MAU2: variants seen among roughly 807,000 people sequenced by gnomAD.
MAU2 encodes MAU2 sister chromatid cohesion factor, also known as MAU2 chromatid cohesion factor homolog.
Under a neutral mutation model 89.1 loss-of-function variants are expected in MAU2, and 9 were observed. The observed-to-expected ratio is 0.10, with a 90% CI of 0.06 to 0.18. The LOEUF is 0.18. Ranked by LOEUF, MAU2 falls within the 10% of genes least tolerant of loss-of-function variation. The pLI is 1.00. For missense variants in MAU2, 425 were observed against 803.5 expected (o/e 0.53, Z 5.69); for synonymous variants, 357 against 343.4 (o/e 1.04, Z -0.44).
At chr19:19,332,217 A>G (rs2061560748) in intron 1 of MAU2, among the ~76,000 whole-genome samples, 1 of 151,974 alleles carries the variant, frequency 6.6e-6, no homozygotes, top group Admixed American at 6.6e-5. Flanking sequence ...CTGGAGTGCA[A>G]CAGCACAATC....
intron 1 of MAU2, among the ~76,000 whole-genome samples, chr19:19,324,774 T>G (rs2061490836): frequency 6.6e-6 from 1 of 152,238 alleles, no homozygotes; most frequent in Non-Finnish European, 1.5e-5. Flanking sequence ...GAAATCCCGT[T>G]CTTTTTGTCA....
chr19:19,350,792 T>C (rs1320574433), intron 16 of MAU2, among the ~76,000 whole-genome samples: 1 of 150,464 alleles, frequency 6.6e-6, no homozygotes, highest in African/African-American at 2.5e-5. Context: ...CCCAGCTATT[T>C]GGGAGGCTGA....
intron 16 of MAU2, chr19:19,353,728 C>T (rs1385167014): frequency 1.9e-5 from 3 of 158,330 alleles, no homozygotes; most frequent in Non-Finnish European, 2.8e-5. Context: ...AGGCTCCTGT[C>T]TGCCGTCTCC....
chr19:19,343,144 T>C (rs900578624), intron 9 of MAU2, among the ~76,000 whole-genome samples: 1 of 152,180 alleles, frequency 6.6e-6, no homozygotes, highest in African/African-American at 2.4e-5. Flanking sequence ...CCAATTATTA[T>C]CAGTGTTGTG....
intron 16 of MAU2, 29 bp downstream of exon 16, chr19:19,349,465 T>A (rs370241132): frequency 6.3e-7 from 1 of 1,590,612 alleles, no homozygotes; most frequent in Non-Finnish European, 8.6e-7. Flanking sequence ...GCCCCTCGCT[T>A]GGGTGCCTGT....
intron 1 of MAU2, 147 bp from the exon 2 acceptor site, chr19:19,335,571 C>G (rs910936261): frequency 6.7e-6 from 5 of 743,832 alleles, no homozygotes; most frequent in African/African-American, 5.2e-5. Context: ...TAAGCCTACC[C>G]TCTCAGGCCA....
intron 1 of MAU2, among the ~76,000 whole-genome samples, chr19:19,327,388 C>A (rs1026025028): frequency 6.6e-6 from 1 of 151,830 alleles, no homozygotes; most frequent in Admixed American, 6.6e-5. Flanking sequence ...TGCAATGGCG[C>A]GATCTCGGCT....
At chr19:19,342,945 G>T (rs1417649986) in intron 9 of MAU2, 79 bp downstream of exon 9, 4 of 1,479,414 alleles carry the variant, frequency 2.7e-6, no homozygotes, top group Non-Finnish European at 2.8e-6. Flanking sequence ...CTGTACCAGG[G>T]CCCAGTGACC....
intron 7 of MAU2, among the ~76,000 whole-genome samples, chr19:19,341,648 T>C (rs2061647950): frequency 6.6e-6 from 1 of 152,194 alleles, no homozygotes; most frequent in African/African-American, 2.4e-5. Context: ...TGTGTGACAT[T>C]GCATACACTC....
At chr19:19,355,460 C>G in intron 18 of MAU2, 69 bp downstream of exon 18, 1 of 1,588,164 alleles carries the variant, frequency 6.3e-7, no homozygotes, top group East Asian at 2.2e-5. Flanking sequence ...GGAAGGGGCA[C>G]CTTGGCTGTA....
chr19:19,344,636 T>C, intron 10 of MAU2: 1 of 596,742 alleles, frequency 1.7e-6, no homozygotes, highest in South Asian at 1.9e-5. Context: ...TTGGACAGAG[T>C]GGAAGAGACG....
intron 1 of MAU2, among the ~76,000 whole-genome samples, chr19:19,335,351 G>T (rs2061587718): frequency 6.6e-6 from 1 of 152,216 alleles, no homozygotes; most frequent in South Asian, 2.1e-4. Flanking sequence ...CTGACTGCCA[G>T]CCCTACTTCC....
At chr19:19,340,042 G>C (rs954147334) in intron 5 of MAU2, among the ~76,000 whole-genome samples, 1 of 151,946 alleles carries the variant, frequency 6.6e-6, no homozygotes, top group Non-Finnish European at 1.5e-5. Context: ...GCGGGCGCCT[G>C]TAGTCCCAGC....
At chr19:19,350,899 C>CAA (rs201378778) in intron 16 of MAU2, among the ~76,000 whole-genome samples, 1 of 136,730 alleles carries the variant, frequency 7.3e-6, no homozygotes, top group Admixed American at 7.3e-5. Flanking sequence ...GACTCCATCT[C>CAA]AAAAAAAAAA....
intron 1 of MAU2, among the ~76,000 whole-genome samples, chr19:19,323,271 T>G (rs970197709): frequency 1.3e-5 from 2 of 151,658 alleles, no homozygotes; most frequent in African/African-American, 4.9e-5. Context: ...CTTGGCTCAC[T>G]GCAACTTCCG....
chr19:19,347,501 G>A (rs570259994), intron 13 of MAU2, 135 bp downstream of exon 13: 17 of 667,048 alleles, frequency 2.5e-5, no homozygotes, highest in African/African-American at 1.3e-4. Context: ...GGCGGCACCC[G>A]ACACAGACAC....
intron 10 of MAU2, chr19:19,344,591 A>G (rs2061679178): frequency 1.8e-6 from 1 of 556,808 alleles, no homozygotes; most frequent in Non-Finnish European, 3.2e-6. Flanking sequence ...GGGGGCCCTC[A>G]GTAGGCTGGA....
chr19:19,336,933 C>T (rs2061601335), intron 3 of MAU2, among the ~76,000 whole-genome samples: 1 of 152,210 alleles, frequency 6.6e-6, no homozygotes, highest in South Asian at 2.1e-4. Context: ...AAACTACTTT[C>T]AGTCCAGTTG....
At chr19:19,334,272 AAG>A in intron 1 of MAU2, 1 of 985,386 alleles carries the variant, frequency 1.0e-6, no homozygotes, top group Non-Finnish European at 1.2e-6. Context: ...TCCGTGCCAC[AAG>A]AGGGGACCAC....
Sources: gnomAD v4.1 joint callset for allele counts (sites outside exome capture counted in the v4.1 genomes callset) on GRCh38, gnomAD v4.1.1 for gene constraint, MANE v1.5 for transcripts, NCBI Gene and HGNC (gene_info 2026-07-23, HGNC 2026-07-21) for gene names.